Variants in GPR158 observed in about 807,000 individuals in gnomAD.
The protein encoded by GPR158 is G protein-coupled receptor 158, also known as metabotropic glycine receptor.
In GPR158, 30 loss-of-function variants were observed where a neutral mutation model predicts 78.2. The observed-to-expected ratio is 0.38, with a 90% CI of 0.29 to 0.52. GPR158 has a LOEUF of 0.52. GPR158 is among the 20% of genes least tolerant of loss of function. The probability of loss-of-function intolerance (pLI) is 0.83; values close to 1 mark genes in which losing one functional copy is unlikely to be tolerated. For missense variants in GPR158, 1,463 were observed against 1,523.5 expected, an observed-to-expected ratio of 0.96 and a Z score of 0.66; for synonymous variants, 581 against 591.1, an observed-to-expected ratio of 0.98 and a Z score of 0.25.
At chr10:25,479,254 T>A (rs1222225507) in intron 5 of GPR158, among the ~76,000 whole-genome samples, 3 of 152,178 alleles carry the variant, frequency 2.0e-5, no homozygotes, top group South Asian at 2.1e-4. Context: ...AATTATTTTT[T>A]ATTTAGCTAT....
At chr10:25,223,127 A>T (rs1438164587) in intron 2 of GPR158, among the ~76,000 whole-genome samples, 3 of 152,204 alleles carry the variant, frequency 2.0e-5, no homozygotes, top group Non-Finnish European at 2.9e-5. Context: ...GTTGAAATTT[A>T]TAACTTTTGG....
At chr10:25,220,712 A>G (rs1020279808) in intron 1 of GPR158, among the ~76,000 whole-genome samples, 2 of 152,198 alleles carry the variant, frequency 1.3e-5, no homozygotes, top group African/African-American at 4.8e-5. Flanking sequence ...AGGGGTTCTG[A>G]GAGCAAGTGT....
intron 3 of GPR158, among the ~76,000 whole-genome samples, chr10:25,410,830 A>G (rs1221127175): frequency 6.6e-6 from 1 of 152,200 alleles, no homozygotes; most frequent in Non-Finnish European, 1.5e-5. Context: ...CACAATTATC[A>G]GAGAAATATT....
rs928829341 is a variant in GPR158 at position 25,600,809 on chromosome 10, A to G, written c.*1535A>G. 3.9e-5 allele frequency: 6 copies of G among 152,254 alleles called. No homozygotes were observed. Among genetic ancestry groups the G allele is most frequent in the Non-Finnish European group, 7.4e-5 (5 of 68,024 alleles). The allele number at this position is 152,254 out of a possible 1,614,324, so 9.4% of individuals were successfully genotyped here. A position where few individuals can be genotyped will look rare whatever the true frequency, so the allele number is the denominator to read the frequency against. On this transcript the variant is annotated 3_prime_UTR_variant, in exon 11 of 11. Coordinates refer to ENST00000376351, the MANE Select transcript of GPR158 (RefSeq NM_020752.3). ...CAAAGCAAAGCAGCCCCCAAAGCAT[A>G]TTTTATAAAGCTTATTGCATTCCAC...
intron 5 of GPR158, 48 bp downstream of exon 5, chr10:25,466,767 C>A: frequency 9.7e-7 from 1 of 1,027,362 alleles, no homozygotes; most frequent in Non-Finnish European, 1.5e-6. Flanking sequence ...TTTTATGTTG[C>A]ATACTATAAA....
At chr10:25,317,582 T>C (rs902469172) in intron 2 of GPR158, among the ~76,000 whole-genome samples, 1 of 152,166 alleles carries the variant, frequency 6.6e-6, no homozygotes, top group African/African-American at 2.4e-5. Context: ...ATATTTGTTT[T>C]AATATTCCCC....
chr10:25,246,636 A>G (rs751622831), intron 2 of GPR158, among the ~76,000 whole-genome samples: 3 of 152,232 alleles, frequency 2.0e-5, no homozygotes, highest in Non-Finnish European at 2.9e-5. Context: ...TGGTGGGGAT[A>G]GGAAGCATAT....
chr10:25,223,044 T>A (rs969287566), intron 2 of GPR158, among the ~76,000 whole-genome samples: 1 of 152,206 alleles, frequency 6.6e-6, no homozygotes, highest in Non-Finnish European at 1.5e-5. Context: ...GGGTTTTGTG[T>A]CTTTTTAAAG....
chr10:25,200,724 C>A (rs113108001), intron 1 of GPR158, among the ~76,000 whole-genome samples: 2 of 152,210 alleles, frequency 1.3e-5, no homozygotes, highest in African/African-American at 4.8e-5. Flanking sequence ...ATATTGCTAG[C>A]CAGTTATCTC....
At chr10:25,237,776 C>T (rs1218523675) in intron 2 of GPR158, among the ~76,000 whole-genome samples, 1 of 152,194 alleles carries the variant, frequency 6.6e-6, no homozygotes, top group Non-Finnish European at 1.5e-5. Context: ...TTCTCCACAA[C>T]CAAACCACTA....
chr10:25,409,773 T>G (rs1206550232), intron 3 of GPR158, among the ~76,000 whole-genome samples: 1 of 152,210 alleles, frequency 6.6e-6, no homozygotes, highest in Non-Finnish European at 1.5e-5. Flanking sequence ...TGGATGCAAT[T>G]GTGTTATGAT....
At chr10:25,235,942 C>G (rs377069381) in intron 2 of GPR158, among the ~76,000 whole-genome samples, 21 of 152,036 alleles carry the variant, frequency 1.4e-4, no homozygotes, top group Admixed American at 1.4e-3. Flanking sequence ...GTGATCTGCC[C>G]GCCTCAGCCC....
chr10:25,313,503 A>T (rs934611605), intron 2 of GPR158, among the ~76,000 whole-genome samples: 2 of 152,148 alleles, frequency 1.3e-5, no homozygotes, highest in African/African-American at 2.4e-5. Flanking sequence ...GTAAAAAAAA[A>T]AAATATATTT....
intron 2 of GPR158, among the ~76,000 whole-genome samples, chr10:25,365,464 A>G (rs1855707737): frequency 6.6e-6 from 1 of 151,666 alleles, no homozygotes; most frequent in Admixed American, 6.6e-5. Context: ...ATGCATATGT[A>G]TATTCGGATT....
intron 2 of GPR158, among the ~76,000 whole-genome samples, chr10:25,369,575 T>C (rs1343245925): frequency 5.3e-5 from 8 of 151,260 alleles, no homozygotes; most frequent in East Asian, 1.9e-4. Flanking sequence ...TTTGCCAGTA[T>C]TTTATTGAGG....
In GPR158 at chr10:25,315,458, C is replaced by T. The variant is rs145063343; in HGVS notation, c.1009-80453C>T. Among the ~76,000 whole-genome samples, 827 of 152,188 alleles carry T rather than the reference C, an allele frequency of 5.4e-3. 11 individuals are homozygous for T. The highest frequency in any genetic ancestry group is 0.018 in the African/African-American group (767 of 41,550). On this transcript the variant is annotated intron_variant, in intron 2 of 10. Transcript: ENST00000376351. ...CTGGTTTCACTCACTTTGGATGCTTCAGCCTTTCTTAATCACTTTGTTTTA... is the reference window on the plus strand; with the variant it reads ...CTGGTTTCACTCACTTTGGATGCTTTAGCCTTTCTTAATCACTTTGTTTTA...
chr10:25,279,708 G>C (rs1442939200), intron 2 of GPR158, among the ~76,000 whole-genome samples: 1 of 152,088 alleles, frequency 6.6e-6, no homozygotes, highest in Non-Finnish European at 1.5e-5. Context: ...GAGAGATAAG[G>C]CTCACTAGCC....
At chr10:25,391,239 A>T (rs1760735) in intron 2 of GPR158, among the ~76,000 whole-genome samples, 98,025 of 152,022 alleles carry the variant, frequency 0.64, 32,588 homozygotes, top group Non-Finnish European at 0.73. Flanking sequence ...ACCCCAACAC[A>T]GCGTCCCCAC....
intron 6 of GPR158, among the ~76,000 whole-genome samples, chr10:25,568,562 C>T (rs1005083196): frequency 6.6e-6 from 1 of 152,124 alleles, no homozygotes; most frequent in Non-Finnish European, 1.5e-5. Context: ...TGAACAATAT[C>T]AATTAGCTCT....
Sources: gnomAD v4.1 joint callset for allele counts (sites outside exome capture counted in the v4.1 genomes callset) on GRCh38, gnomAD v4.1.1 for gene constraint, MANE v1.5 for transcripts, NCBI Gene and HGNC (gene_info 2026-07-23, HGNC 2026-07-21) for gene names.